The following SCMH1 variants were observed in gnomAD, a reference collection of about 807,000 sequenced individuals.
SCMH1 encodes Scm polycomb group protein homolog 1.
Under a neutral mutation model 70.8 loss-of-function variants are expected in SCMH1, and 37 were observed. The ratio of observed to expected loss-of-function variants is 0.52; its 90% CI spans 0.40 to 0.69. SCMH1 has a LOEUF of 0.69. SCMH1 is among the 30% of genes least tolerant of loss of function. SCMH1 has a pLI of 0.00. For missense variants in SCMH1, 607 were observed against 827.3 expected (o/e 0.73, Z 3.27); for synonymous variants, 292 against 307.4 (o/e 0.95, Z 0.52).
At chr1:41,111,758 C>T (rs562846893) in intron 8 of SCMH1, among the ~76,000 whole-genome samples, 1 of 152,280 alleles carries the variant, frequency 6.6e-6, no homozygotes, top group Non-Finnish European at 1.5e-5. Flanking sequence ...GTTCCTTCTG[C>T]CTGCCTGGAA....
intron 10 of SCMH1, among the ~76,000 whole-genome samples, chr1:41,059,808 G>A (rs1277667027): frequency 6.6e-6 from 1 of 152,108 alleles, no homozygotes; most frequent in Non-Finnish European, 1.5e-5. Context: ...CCATCTACGT[G>A]TTCCCCCTCC....
intron 6 of SCMH1, among the ~76,000 whole-genome samples, chr1:41,140,572 T>C (rs1451149427): frequency 6.6e-6 from 1 of 152,194 alleles, no homozygotes; most frequent in African/African-American, 2.4e-5. Context: ...ATTACAGGTG[T>C]GAGCCACTGC....
intron 1 of SCMH1, among the ~76,000 whole-genome samples, chr1:41,230,702 G>A (rs1195262822): frequency 6.6e-6 from 1 of 151,762 alleles, no homozygotes; most frequent in Non-Finnish European, 1.5e-5. Context: ...CAGATTTTAG[G>A]CCTGAACAAA....
intron 1 of SCMH1, among the ~76,000 whole-genome samples, chr1:41,216,775 T>C (rs1004937488): frequency 3.9e-5 from 6 of 152,232 alleles, no homozygotes; most frequent in African/African-American, 1.2e-4. Flanking sequence ...CCGATGACTA[T>C]AGTACCTCCA....
At chr1:41,108,171 C>T (rs568627499) in intron 8 of SCMH1, among the ~76,000 whole-genome samples, 2 of 152,268 alleles carry the variant, frequency 1.3e-5, no homozygotes, top group South Asian at 2.1e-4. Context: ...CTACTAGATT[C>T]CCATATTTGG....
intron 1 of SCMH1, among the ~76,000 whole-genome samples, chr1:41,235,431 C>T (rs556161517): frequency 2.6e-5 from 4 of 151,564 alleles, no homozygotes; most frequent in East Asian, 1.9e-4. Context: ...TTTAGCCAGG[C>T]GTGGTGGTGC....
chr1:41,059,860 A>G (rs774799032), intron 10 of SCMH1, among the ~76,000 whole-genome samples: 1 of 151,896 alleles, frequency 6.6e-6, no homozygotes, highest in African/African-American at 2.4e-5. Context: ...GACAAGCCAC[A>G]CCCCTATTGC....
intron 1 of SCMH1, among the ~76,000 whole-genome samples, chr1:41,192,610 T>G (rs1651992633): frequency 6.6e-6 from 1 of 152,080 alleles, no homozygotes; most frequent in Admixed American, 6.6e-5. Flanking sequence ...TCATCATCCT[T>G]TGCTACTATT....
At chr1:41,145,820 C>T (rs1169886817) in intron 5 of SCMH1, among the ~76,000 whole-genome samples, 1 of 152,140 alleles carries the variant, frequency 6.6e-6, no homozygotes. Context: ...ACATTACTCA[C>T]ATTTGTGGTG....
intron 2 of SCMH1, among the ~76,000 whole-genome samples, chr1:41,174,465 G>GT: frequency 6.6e-6 from 1 of 152,222 alleles, no homozygotes; most frequent in East Asian, 1.9e-4. Context: ...GTGTTTCTCA[G>GT]TATTACTCCA....
intron 10 of SCMH1, among the ~76,000 whole-genome samples, chr1:41,061,848 ATTTT>A: frequency 6.6e-6 from 1 of 152,206 alleles, no homozygotes; most frequent in East Asian, 1.9e-4. Context: ...ATCTGAATAT[ATTTT>A]TTTAATTTTT....
intron 13 of SCMH1, among the ~76,000 whole-genome samples, chr1:41,030,974 C>CT (rs1252273786): frequency 6.6e-6 from 1 of 152,196 alleles, no homozygotes; most frequent in East Asian, 1.9e-4. Flanking sequence ...TTGTTGCAAA[C>CT]TATCAAGTGG....
intron 7 of SCMH1, among the ~76,000 whole-genome samples, chr1:41,114,967 A>C (rs1670106763): frequency 6.6e-6 from 1 of 152,158 alleles, no homozygotes; most frequent in Non-Finnish European, 1.5e-5. Flanking sequence ...GGCATGAGCC[A>C]CCGTGCCTGG....
At chr1:41,034,178 C>T (rs917477527) in intron 13 of SCMH1, 130 bp from the exon 14 acceptor site, 54 of 1,309,122 alleles carry the variant, frequency 4.1e-5, no homozygotes, top group African/African-American at 2.2e-4. Flanking sequence ...CTAGAATCAG[C>T]GCTCAGCTCT....
chr1:41,051,620 A>C (rs567352523), intron 10 of SCMH1, among the ~76,000 whole-genome samples: 3 of 152,284 alleles, frequency 2.0e-5, no homozygotes, highest in Admixed American at 6.5e-5. Context: ...CTTGGGTTTT[A>C]ATAAAAAAGT....
intron 2 of SCMH1, among the ~76,000 whole-genome samples, chr1:41,163,351 G>A (rs1646197628): frequency 6.6e-6 from 1 of 152,178 alleles, no homozygotes; most frequent in Non-Finnish European, 1.5e-5. Flanking sequence ...CTCTCTTGGA[G>A]GCGTGAGATC....
At chr1:41,150,159 T>C (rs908654877) in intron 5 of SCMH1, among the ~76,000 whole-genome samples, 1 of 152,346 alleles carries the variant, frequency 6.6e-6, no homozygotes, top group South Asian at 2.1e-4. Context: ...ACTCATTTGT[T>C]TTCTCTCTCT....
At chr1:41,239,258 C>T (rs986951104) in intron 1 of SCMH1, among the ~76,000 whole-genome samples, 1 of 152,208 alleles carries the variant, frequency 6.6e-6, no homozygotes, top group Non-Finnish European at 1.5e-5. Flanking sequence ...TTGTGGTTCT[C>T]TACGCAAGCC....
At chr1:41,218,122 G>A (rs1444539113) in intron 1 of SCMH1, among the ~76,000 whole-genome samples, 1 of 152,178 alleles carries the variant, frequency 6.6e-6, no homozygotes, top group South Asian at 2.1e-4. Context: ...ATTATATTTA[G>A]ATGGGATTTT....
Sources: allele counts gnomAD v4.1 joint callset (sites outside exome capture counted in the v4.1 genomes callset), GRCh38; gene constraint gnomAD v4.1.1; transcripts MANE v1.5; gene names NCBI Gene and HGNC (gene_info 2026-07-23, HGNC 2026-07-21).